The following PTPRM variants were observed in gnomAD, a reference collection of about 807,000 sequenced individuals.
The protein encoded by PTPRM is receptor-type tyrosine-protein phosphatase mu.
A neutral mutation model predicts 186.7 loss-of-function variants in PTPRM; 47 were observed. The ratio of observed to expected loss-of-function variants is 0.25; its 90% CI spans 0.20 to 0.32. The LOEUF (loss-of-function observed/expected upper bound fraction) is 0.32, where lower values mean the gene tolerates loss of function less well. Ranked by LOEUF, PTPRM falls within the 10% of genes least tolerant of loss-of-function variation. The probability of loss-of-function intolerance (pLI) is 1.00; values close to 1 mark genes in which losing one functional copy is unlikely to be tolerated. For synonymous variants in PTPRM, 668 were observed against 674.9 expected (o/e 0.99, Z 0.16); for missense variants, 1,494 against 1,865.0 (o/e 0.80, Z 3.66).
At chr18:7,628,165 A>T (rs953961787) in intron 1 of PTPRM, among the ~76,000 whole-genome samples, 2 of 152,008 alleles carry the variant, frequency 1.3e-5, no homozygotes, top group Admixed American at 1.3e-4. Context: ...CACACACACA[A>T]ACACACATGC....
intron 2 of PTPRM, among the ~76,000 whole-genome samples, chr18:7,870,922 A>G (rs2047952463): frequency 6.6e-6 from 1 of 152,144 alleles, no homozygotes; most frequent in African/African-American, 2.4e-5. Flanking sequence ...TCCAACAATA[A>G]TGGTTAGTTT....
At chr18:7,603,575 T>C (rs1232019081) in intron 1 of PTPRM, among the ~76,000 whole-genome samples, 1 of 152,230 alleles carries the variant, frequency 6.6e-6, no homozygotes, top group Non-Finnish European at 1.5e-5. Flanking sequence ...GGACTTCCCA[T>C]TTCTCTCTCC....
intron 1 of PTPRM, among the ~76,000 whole-genome samples, chr18:7,759,955 C>T (rs994811655): frequency 1.3e-5 from 2 of 152,136 alleles, no homozygotes; most frequent in East Asian, 3.9e-4. Flanking sequence ...TTTGGATTGA[C>T]TGGGATAGGA....
At chr18:8,082,720 C>T (rs867433359) in intron 9 of PTPRM, among the ~76,000 whole-genome samples, 7 of 151,724 alleles carry the variant, frequency 4.6e-5, no homozygotes, top group African/African-American at 1.7e-4. Context: ...TCCCTAGTGA[C>T]CCCCTCCATT....
intron 2 of PTPRM, among the ~76,000 whole-genome samples, chr18:7,782,287 G>T (rs1255850747): frequency 2.0e-5 from 3 of 152,004 alleles, no homozygotes; most frequent in Non-Finnish European, 4.4e-5. Flanking sequence ...TCCCATGAGG[G>T]AGATGCTGGG....
chr18:7,768,633 GAT>G (rs1196730216), intron 1 of PTPRM, among the ~76,000 whole-genome samples: 69 of 145,506 alleles, frequency 4.7e-4, no homozygotes, highest in African/African-American at 6.0e-4. Flanking sequence ...TATCCATAAA[GAT>G]ATATATATAT....
At chr18:8,007,284 A>G (rs2084249283) in intron 7 of PTPRM, among the ~76,000 whole-genome samples, 1 of 152,118 alleles carries the variant, frequency 6.6e-6, no homozygotes, top group Non-Finnish European at 1.5e-5. Flanking sequence ...CCTGCGTTCT[A>G]TCTCTAATAT....
chr18:8,265,931 C>T (rs566446557), intron 19 of PTPRM, among the ~76,000 whole-genome samples: 4 of 152,080 alleles, frequency 2.6e-5, no homozygotes, highest in South Asian at 4.2e-4. Context: ...TTTCAGTGGG[C>T]GACACTAACT....
At chr18:8,278,760 G>A (rs1028719840) in intron 19 of PTPRM, among the ~76,000 whole-genome samples, 11 of 152,140 alleles carry the variant, frequency 7.2e-5, no homozygotes, top group African/African-American at 2.2e-4. Context: ...GGGTCGCCTT[G>A]GATGCTCTGC....
chr18:8,208,228 C>T (rs1484846254), intron 14 of PTPRM, among the ~76,000 whole-genome samples: 1 of 152,174 alleles, frequency 6.6e-6, no homozygotes, highest in Non-Finnish European at 1.5e-5. Flanking sequence ...ATCTAAATCC[C>T]ACAGTAAACA....
chr18:8,172,468 C>T (rs2093416926), intron 14 of PTPRM, among the ~76,000 whole-genome samples: 1 of 151,938 alleles, frequency 6.6e-6, no homozygotes, highest in Non-Finnish European at 1.5e-5. Context: ...TCCAAGGAAC[C>T]TGTCTCAGAA....
intron 27 of PTPRM, among the ~76,000 whole-genome samples, 166 bp from the exon 28 acceptor site, chr18:8,379,001 C>A (rs1431211660): frequency 4.0e-5 from 6 of 151,650 alleles, no homozygotes; most frequent in African/African-American, 1.5e-4. Context: ...GGACGAAATC[C>A]AAGGAGCAAA....
intron 14 of PTPRM, among the ~76,000 whole-genome samples, chr18:8,193,576 A>G (rs905627761): frequency 6.6e-6 from 1 of 152,214 alleles, no homozygotes; most frequent in Admixed American, 6.5e-5. Flanking sequence ...TGCCCTCCCC[A>G]CAGGGGCCTC....
chr18:7,922,938 A>G (rs376918957), intron 4 of PTPRM, among the ~76,000 whole-genome samples: 1 of 152,118 alleles, frequency 6.6e-6, no homozygotes, highest in Non-Finnish European at 1.5e-5. Context: ...CCTTGGTGCT[A>G]TTGAGATTTT....
intron 4 of PTPRM, among the ~76,000 whole-genome samples, chr18:7,919,039 T>C (rs1295547521): frequency 2.0e-5 from 3 of 152,200 alleles, no homozygotes; most frequent in Non-Finnish European, 4.4e-5. Flanking sequence ...GCAGCAGTTA[T>C]TGAAGAGACT....
chr18:8,088,715 T>C (rs1248690181), intron 10 of PTPRM, 34 bp from the exon 11 acceptor site: 2 of 1,492,820 alleles, frequency 1.3e-6, no homozygotes, highest in Non-Finnish European at 1.9e-6. Flanking sequence ...AAACCAGAAA[T>C]AATGAGTCTC....
intron 7 of PTPRM, among the ~76,000 whole-genome samples, chr18:8,016,680 G>A (rs1186036503): frequency 6.6e-6 from 1 of 152,166 alleles, no homozygotes; most frequent in Admixed American, 6.6e-5. Flanking sequence ...TAAGTGTGTG[G>A]TCACAGAAAT....
chr18:7,579,641 A>G (rs1008227954), intron 1 of PTPRM, among the ~76,000 whole-genome samples: 2 of 152,252 alleles, frequency 1.3e-5, no homozygotes, highest in Admixed American at 1.3e-4. Flanking sequence ...TGTTTAGAAT[A>G]TAGTGAAAGA....
chr18:8,301,996 A>C (rs1183568111), intron 20 of PTPRM, among the ~76,000 whole-genome samples: 1 of 152,168 alleles, frequency 6.6e-6, no homozygotes. Context: ...GGAGTGGGGT[A>C]GGGGCAGAGG....
Sources: allele counts gnomAD v4.1 joint callset (sites outside exome capture counted in the v4.1 genomes callset), GRCh38; gene constraint gnomAD v4.1.1; transcripts MANE v1.5; gene names NCBI Gene and HGNC (gene_info 2026-07-23, HGNC 2026-07-21).